OARD1: variants seen among roughly 807,000 people sequenced by gnomAD.
OARD1 encodes ADP-ribose glycohydrolase OARD1.
In OARD1, 19 loss-of-function variants were observed where a neutral mutation model predicts 19.7. That is an observed-to-expected ratio of 0.96 (90% CI 0.67 to 1.41). The LOEUF (loss-of-function observed/expected upper bound fraction) is 1.41. OARD1 is among the 40% of genes most tolerant of loss of function. The pLI, the probability that OARD1 is intolerant of heterozygous loss-of-function variation, is 0.00. For missense variants in OARD1, 190 were observed against 183.8 expected (o/e 1.03, Z -0.20); for synonymous variants, 70 against 61.8 (o/e 1.13, Z -0.62).
At chr6:41,082,483 T>C (rs1477428731) in intron 1 of OARD1, among the ~76,000 whole-genome samples, 3 of 152,200 alleles carry the variant, frequency 2.0e-5, no homozygotes, top group African/African-American at 7.2e-5. Context: ...CTCTTTGGAG[T>C]CTCAAATCAT....
chr6:41,084,004 TGTCTTATG>T (rs764118250), intron 1 of OARD1: 1 of 1,532,154 alleles, frequency 6.5e-7, no homozygotes, highest in African/African-American at 1.4e-5. Context: ...AACCATTTTG[TGTCTTATG>T]TTATTTCATT....
At chr6:41,084,270 A>G in intron 1 of OARD1, 12 of 1,488,186 alleles carry the variant, frequency 8.1e-6, no homozygotes, top group Non-Finnish European at 1.1e-5. Flanking sequence ...CCTATTTGAT[A>G]ATTGATATTG....
upstream of OARD1, chr6:41,072,862 C>T (rs1035786608): frequency 3.3e-5 from 5 of 152,924 alleles, no homozygotes; most frequent in African/African-American, 1.2e-4. Context: ...GTTGCTCCTC[C>T]GAAGGGGTGG....
intron 3 of OARD1, among the ~76,000 whole-genome samples, 176 bp from the exon 4 acceptor site, chr6:41,070,310 C>T (rs902378942): frequency 3.3e-5 from 5 of 152,148 alleles, no homozygotes; most frequent in African/African-American, 4.8e-5. Context: ...ATCAGCATTC[C>T]CAAATACTAT....
At chr6:41,080,725 C>G (rs547019580) in intron 1 of OARD1, 3 of 1,112,122 alleles carry the variant, frequency 2.7e-6, no homozygotes, top group Admixed American at 1.8e-5. Context: ...TTCCGTCTCT[C>G]TCCTCCAAGA....
intron 1 of OARD1, among the ~76,000 whole-genome samples, chr6:41,088,453 T>A (rs1023890396): frequency 1.3e-5 from 2 of 151,250 alleles, no homozygotes; most frequent in Non-Finnish European, 2.9e-5. Context: ...AAATTTATTT[T>A]ATAGTTTCTG....
intron 1 of OARD1, chr6:41,090,389 G>GA: frequency 1.3e-6 from 1 of 791,670 alleles, no homozygotes. Context: ...TTTAGAATTT[G>GA]AGTGGTGAAC....
intron 1 of OARD1, among the ~76,000 whole-genome samples, chr6:41,081,614 A>AGGCTAGGCTGTGCT (rs1387462679): frequency 6.6e-6 from 1 of 152,254 alleles, no homozygotes; most frequent in African/African-American, 2.4e-5. Flanking sequence ...CACATAAACT[A>AGGCTAGGCTGTGCT]GGCTAGGCTG....
intron 3 of OARD1, 135 bp from the exon 4 acceptor site, chr6:41,070,269 C>A (rs1309736644): frequency 8.0e-6 from 5 of 625,196 alleles, no homozygotes; most frequent in Non-Finnish European, 1.4e-5. Context: ...ATAGGGAAGA[C>A]CTATTGTCTC....
At chr6:41,071,427 A>C in intron 2 of OARD1, 151 bp from the exon 3 acceptor site, 1 of 988,596 alleles carries the variant, frequency 1.0e-6, no homozygotes, top group Non-Finnish European at 1.5e-6. Flanking sequence ...GCATGTGTAA[A>C]AGGAAAGTAA....
Position 41,067,235 on chromosome 6 carries a change from T to C in OARD1, c.*100A>G. ...GTCTTGTTAAACACACTACTTCTCA[T>C]GAAACTTTCCTCTGCCTATTTTAAG... is the stretch of plus-strand genomic sequence containing the variant. On this transcript the variant is annotated 3_prime_UTR_variant, in exon 6 of 6. Transcript: ENST00000424266. The C allele has an allele frequency of 4.6e-6, 3 of 657,436 alleles. No homozygotes were observed. Among genetic ancestry groups the C allele is most frequent in the Non-Finnish European group, 8.1e-6 (3 of 371,936 alleles). 40.7% of individuals were successfully genotyped at this position (657,436 alleles called of 1,614,324 possible). A position where few individuals can be genotyped will look rare whatever the true frequency, so the allele number is the denominator to read the frequency against.
chr6:41,071,741 T>C (rs1763413869), intron 1 of OARD1, 66 bp from the exon 2 acceptor site: 2 of 892,902 alleles, frequency 2.2e-6, no homozygotes, highest in South Asian at 1.3e-5. Context: ...CTGATTGCCC[T>C]GTACAACCAC....
upstream of OARD1, among the ~76,000 whole-genome samples, chr6:41,077,100 T>C (rs756686608): frequency 4.6e-5 from 7 of 152,242 alleles, no homozygotes; most frequent in Non-Finnish European, 1.0e-4. Context: ...ATATTTAGTC[T>C]TGTAAAGATG....
At position 41,084,224 on chromosome 6, in the gene OARD1, A is replaced by G. The variant is rs201396442; in HGVS notation, c.-41-12549T>C. The G allele has an allele frequency of 1.9e-6, 3 of 1,605,710 alleles. No homozygotes were observed. In the African/African-American group the frequency reaches 4.0e-5, roughly 21 times the overall value. The stretch of plus-strand genomic sequence containing the variant: ...AATATTTAAAAATATTGAGCAGTAT[A>G]TCAGAGGAGAGGTTTCAAAGAATAG... On this transcript the variant is annotated intron_variant, in intron 1 of 4. Coordinates refer to the OARD1 transcript ENST00000480585.
chr6:41,081,460 A>G (rs1324577899), intron 1 of OARD1, among the ~76,000 whole-genome samples: 1 of 151,954 alleles, frequency 6.6e-6, no homozygotes, highest in African/African-American at 2.4e-5. Flanking sequence ...ACTGCACTCC[A>G]GCCTGGGTGA....
At chr6:41,091,837 T>A in intron 1 of OARD1, 1 of 895,830 alleles carries the variant, frequency 1.1e-6, no homozygotes, top group Non-Finnish European at 1.7e-6. Context: ...ACAATAACAT[T>A]ATGACAAACC....
upstream of OARD1, among the ~76,000 whole-genome samples, chr6:41,075,923 G>A (rs1013840940): frequency 2.6e-5 from 4 of 152,118 alleles, no homozygotes; most frequent in Admixed American, 6.5e-5. Context: ...AACAGTGTCT[G>A]GCACATGGTA....
At chr6:41,083,121 T>G (rs140240943) in intron 1 of OARD1, among the ~76,000 whole-genome samples, 1 of 152,374 alleles carries the variant, frequency 6.6e-6, no homozygotes, top group African/African-American at 2.4e-5. Context: ...TTTTGGACTA[T>G]TCCATGGATC....
At chr6:41,091,038 G>A (rs1764186109) in intron 1 of OARD1, among the ~76,000 whole-genome samples, 1 of 152,210 alleles carries the variant, frequency 6.6e-6, no homozygotes, top group South Asian at 2.1e-4. Context: ...CCAGGCAAGA[G>A]CTCAAACAGA....
Sources: allele counts gnomAD v4.1 joint callset (sites outside exome capture counted in the v4.1 genomes callset), GRCh38; gene constraint gnomAD v4.1.1; transcripts MANE v1.5; gene names NCBI Gene and HGNC (gene_info 2026-07-23, HGNC 2026-07-21).